Variants in RAB18 observed in about 807,000 individuals in gnomAD.
The protein encoded by RAB18 is ras-related protein Rab-18.
RAB18 carries 10 observed loss-of-function variants against 28.5 expected under a neutral mutation model. The observed-to-expected ratio is 0.35, with a 90% CI of 0.22 to 0.60. The LOEUF (loss-of-function observed/expected upper bound fraction) is 0.60, where lower values mean the gene tolerates loss of function less well. RAB18 is among the 20% of genes least tolerant of loss of function. RAB18 has a pLI of 0.78. For synonymous variants in RAB18, 93 were observed against 86.9 expected (o/e 1.07, Z -0.39); for missense variants, 188 against 244.2 (o/e 0.77, Z 1.53).
intron 3 of RAB18, among the ~76,000 whole-genome samples, chr10:27,528,519 A>G (rs1294148755): frequency 6.6e-6 from 1 of 152,090 alleles, no homozygotes; most frequent in Non-Finnish European, 1.5e-5. Context: ...GGATTATATT[A>G]TATCTTACAT....
At chr10:27,520,916 CAAAAAAAAAAAAAA>C (rs58688075) in intron 2 of RAB18, among the ~76,000 whole-genome samples, 2 of 40,096 alleles carry the variant, frequency 5.0e-5, no homozygotes, top group Non-Finnish European at 9.4e-5. Flanking sequence ...GACTCCATCT[CAAAAAAAAAAAAAA>C]AAAAAAAAAA....
At position 27,534,214 on chromosome 10, in the gene RAB18, T is replaced by C. The variant is rs572508338; in HGVS notation, c.445+220T>C. On this transcript the variant is annotated intron_variant, in intron 6 of 6. Transcript: ENST00000356940. ...GAAATCATATTAAAAAACAGTCAAA[T>C]CATTCCTCACAGGATATAGTGGCAT... Among the ~76,000 whole-genome samples the C allele has an allele frequency of 9.2e-4, 140 of 152,332 alleles. 1 individual carries two copies. The highest frequency in any genetic ancestry group is 3.2e-3 in the African/African-American group (133 of 41,580).
chr10:27,532,830 G>T lies in RAB18; in HGVS notation c.259+251G>T, dbSNP rs1834815049. ...ACATGTCAATGAGAACGTAATTGAG[G>T]ATTAATCAGCATATGTTGGACTGTC... On this transcript the variant is annotated intron_variant, in intron 4 of 6. Coordinates refer to ENST00000356940, the MANE Select transcript of RAB18 (RefSeq NM_021252.5). Among the ~76,000 whole-genome samples the T allele has an allele frequency of 2.6e-5, 4 of 152,034 alleles. 1 individual carries two copies. In the South Asian group the frequency reaches 8.3e-4, roughly 31 times the overall value.
chr10:27,527,092 A>G (rs1467540666), intron 3 of RAB18: 3 of 688,678 alleles, frequency 4.4e-6, no homozygotes, highest in Non-Finnish European at 8.1e-6. Context: ...AATTTTCACA[A>G]TGCATAATTC....
intron 2 of RAB18, among the ~76,000 whole-genome samples, chr10:27,521,873 G>A (rs1410433976): frequency 2.0e-5 from 3 of 151,800 alleles, no homozygotes; most frequent in African/African-American, 4.8e-5. Context: ...TAAAGTATAT[G>A]GGAGGATTTA....
chr10:27,539,012 A>G lies in RAB18; in HGVS notation c.*961A>G, dbSNP rs1834963205. ...TTGAGGGGTGGGGAAAAAAAACACT[A>G]AGTGATAATTTGAAAAAGGCATATT... On this transcript the variant is annotated 3_prime_UTR_variant, in exon 7 of 7. Transcript: ENST00000356940. 7.0e-6 allele frequency: 3 copies of G among 430,206 alleles called. No homozygotes were observed. Among genetic ancestry groups the G allele is most frequent in the South Asian group, 1.6e-5 (1 of 61,214 alleles). The allele number at this position is 430,206 out of a possible 1,614,324, so 26.6% of individuals were successfully genotyped here.
At position 27,533,869 on chromosome 10, in the gene RAB18, C is replaced by G. The variant is rs1456563559; in HGVS notation, c.378+16C>G. ...AATCGATAAGGTAAGAAGGCAGACACTTGGCATTTTGGTTCTATATTTTGG... is the reference window on the plus strand; with the variant it reads ...AATCGATAAGGTAAGAAGGCAGACAGTTGGCATTTTGGTTCTATATTTTGG... On this transcript the variant is annotated intron_variant, in intron 5 of 6. Coordinates refer to ENST00000356940, the MANE Select transcript of RAB18 (RefSeq NM_021252.5). 1 of 1,610,622 alleles carries G rather than the reference C, an allele frequency of 6.2e-7. No homozygotes were observed. The highest frequency in any genetic ancestry group is 1.1e-5 in the South Asian group (1 of 90,996).
chr10:27,504,846 C>G (rs1305730039), intron 1 of RAB18: 8 of 463,940 alleles, frequency 1.7e-5, no homozygotes, highest in Non-Finnish European at 3.5e-5. Flanking sequence ...GGAGACATAG[C>G]TTTCCCACTT....
intron 3 of RAB18, among the ~76,000 whole-genome samples, chr10:27,529,423 C>G (rs1457520413): frequency 1.3e-5 from 2 of 151,850 alleles, no homozygotes; most frequent in Non-Finnish European, 2.9e-5. Context: ...ATGAGTTTCT[C>G]TCCTACTTGG....
At chr10:27,519,369 A>G (rs1413085988) in intron 2 of RAB18, among the ~76,000 whole-genome samples, 1 of 152,094 alleles carries the variant, frequency 6.6e-6, no homozygotes, top group Non-Finnish European at 1.5e-5. Context: ...TCCCCTTAAT[A>G]TGAGGAACAA....
intron 6 of RAB18, among the ~76,000 whole-genome samples, chr10:27,537,357 A>G (rs1834921219): frequency 6.6e-6 from 1 of 152,204 alleles, no homozygotes; most frequent in Non-Finnish European, 1.5e-5. Context: ...CAGGGTTGGA[A>G]GCAGTGCTGA....
intron 3 of RAB18, among the ~76,000 whole-genome samples, chr10:27,531,860 A>G (rs566936332): frequency 1.3e-5 from 2 of 152,052 alleles, no homozygotes; most frequent in South Asian, 4.1e-4. Context: ...CAATGGTTAA[A>G]CTGGTGATTA....
At chr10:27,533,681 C>T (rs917395499) in intron 4 of RAB18, 54 bp from the exon 5 acceptor site, 27 of 1,568,240 alleles carry the variant, frequency 1.7e-5, no homozygotes, top group Middle Eastern at 2.2e-4. Context: ...ATCAGAAATA[C>T]GCCATTGCTT....
rs372046343 is a variant in RAB18 at position 27,505,962 on chromosome 10, C to T, written c.68+1525C>T. On this transcript the variant is annotated intron_variant, in intron 1 of 6. Coordinates refer to ENST00000356940, the MANE Select transcript of RAB18 (RefSeq NM_021252.5). ...AATGAAATACTATGAGTTAGCAAACCAGCATGATTTGTCTGTGTGTGTGTA... is the reference window on the plus strand; with the variant it reads ...AATGAAATACTATGAGTTAGCAAACTAGCATGATTTGTCTGTGTGTGTGTA... 3.3e-5 allele frequency among the ~76,000 whole-genome samples: 5 copies of T among 152,196 alleles called. 1 individual carries two copies. Among genetic ancestry groups the T allele is most frequent in the African/African-American group, 7.2e-5 (3 of 41,500 alleles).
chr10:27,527,575 C>T (rs1032101974), intron 3 of RAB18, among the ~76,000 whole-genome samples: 3 of 37,194 alleles, frequency 8.1e-5, no homozygotes, highest in African/African-American at 1.4e-4. Context: ...TAAATATGAT[C>T]GGTTATATAT....
rs1259799300 is a variant in RAB18 at position 27,539,482 on chromosome 10, T to C, written c.*1431T>C. ...ATTCTACTTGATTTACACTTCCTAG[T>C]CTACATTACATGTGGTTGAAGGTTT... On this transcript the variant is annotated 3_prime_UTR_variant, in exon 7 of 7. Transcript: ENST00000356940. The C allele has an allele frequency of 1.2e-5, 4 of 331,318 alleles. No individual in the cohort carries two copies. Among genetic ancestry groups the C allele is most frequent in the Admixed American group, 9.0e-5 (2 of 22,114 alleles). 20.5% of individuals were successfully genotyped at this position (331,318 alleles called of 1,614,324 possible).
rs1263183717 is a variant in RAB18, at chr10:27,540,890, ACC to A, written c.*2840_*2841del. The A allele has an allele frequency of 8.8e-6, 4 of 454,086 alleles. No homozygotes were observed. Among genetic ancestry groups the A allele is most frequent in the Non-Finnish European group, 1.8e-5 (4 of 226,776 alleles). 28.1% of individuals were successfully genotyped at this position (454,086 alleles called of 1,614,324 possible). A position where few individuals can be genotyped will look rare whatever the true frequency, so the allele number is the denominator to read the frequency against. Reference sequence around the variant, plus strand: ...ATTCTCTACTAAGGGTGGGGCTAGCACCATAGCTCATAAAAGAATCCTTCTTA... The same window carrying A: ...ATTCTCTACTAAGGGTGGGGCTAGCAATAGCTCATAAAAGAATCCTTCTTA... On this transcript the variant is annotated 3_prime_UTR_variant, in exon 7 of 7. Transcript: ENST00000356940.
In RAB18 at chr10:27,512,481, T is replaced by G. The variant is rs199658795; in HGVS notation, c.124+2551T>G. 2.0e-5 allele frequency among the ~76,000 whole-genome samples: 3 copies of G among 152,118 alleles called. No homozygotes were observed. In the East Asian group the frequency reaches 5.8e-4, roughly 29 times the overall value. On this transcript the variant is annotated intron_variant, in intron 2 of 6. Coordinates refer to ENST00000356940, the MANE Select transcript of RAB18 (RefSeq NM_021252.5). ...CCACCACACCTGGCTAATTTTTGTA[T>G]TTTTAGTAGAGATGGGTTTTGCTAT...
intron 2 of RAB18, chr10:27,513,935 A>C (rs910631706): frequency 6.6e-6 from 1 of 152,232 alleles, no homozygotes; most frequent in African/African-American, 2.4e-5. Context: ...CCATTTTTGC[A>C]GGAAGTAATA....
Sources: gnomAD v4.1 joint callset for allele counts (sites outside exome capture counted in the v4.1 genomes callset) on GRCh38, gnomAD v4.1.1 for gene constraint, MANE v1.5 for transcripts, NCBI Gene and HGNC (gene_info 2026-07-23, HGNC 2026-07-21) for gene names.